The following HID1 variants were observed in gnomAD, a reference collection of about 807,000 sequenced individuals.
HID1 encodes HID1 domain containing.
In HID1, 42 loss-of-function variants were observed where a neutral mutation model predicts 89.7. The observed-to-expected ratio is 0.47, with a 90% confidence interval of 0.37 to 0.61. The LOEUF is 0.61. HID1 is among the 20% of genes least tolerant of loss of function. The pLI, the probability that HID1 is intolerant of heterozygous loss-of-function variation, is 0.00. For missense variants in HID1, 854 were observed against 1,039.3 expected (o/e 0.82, Z 2.45); for synonymous variants, 442 against 433.8 (o/e 1.02, Z -0.24).
rs2039429608 is a variant in HID1, at chr17:74,958,525, G to C, written c.1241-47C>G. The C allele has an allele frequency of 6.4e-7, 1 of 1,573,608 alleles. No homozygotes were observed. The highest frequency in any genetic ancestry group is 2.4e-5 in the East Asian group (1 of 42,508). On this transcript the variant is annotated intron_variant, in intron 10 of 18. Transcript: ENST00000425042. This position sits in a 1 kb window ranked among gnomAD's most constrained non-coding sequence, Gnocchi z 5.2. ...GGGTCACTCGGGTGGGAGGGGGAAG[G>C]AGGGGCCCAGGCAGTGACCATTTTG...
At position 74,951,618 on chromosome 17, in the gene HID1, A is replaced by G. The variant is rs759451729; in HGVS notation, c.2319T>C (p.Pro773=). The change falls in exon 19 of 19, where the codon CCT becomes CCC. Residue 773 remains proline (P), a synonymous_variant. Coordinates refer to ENST00000425042, the MANE Select transcript of HID1 (RefSeq NM_030630.3). ...GCTTCACGTCGGTGTCGTACCAGAC[A>G]GGGGGGTCCACATTCCTGTGGAGGA... ...GVIYLRNVDP[P]VWYDTDVKLF... 5 of 1,612,782 alleles carry G rather than the reference A, an allele frequency of 3.1e-6. No homozygotes were observed. Among genetic ancestry groups the G allele is most frequent in the Non-Finnish European group, 4.2e-6 (5 of 1,179,532 alleles).
Position 74,953,040 on chromosome 17 carries a change from G to A in HID1, c.2018C>T (p.Ser673Leu), listed in dbSNP as rs760403394. ...CGTTGGGCTCCACTGCCCACTGGCT[G>A]ATGAGGTGGACGGTCGCCGCTGCTC... Reference protein sequence around the residue: ...WREQRRPSTSSASGQWSPTPE... With the variant: ...WREQRRPSTSLASGQWSPTPE... Residue 673 changes from serine to leucine, a missense_variant, in exon 16 of 19, where the codon TCA (serine) becomes TTA (leucine). Physicochemically the swap from Ser to Leu is moderately radical, Grantham distance 145 (BLOSUM62 -2). Transcript: ENST00000425042. 2 of 1,609,458 alleles carry A rather than the reference G, an allele frequency of 1.2e-6. No individual in the cohort carries two copies. The highest frequency in any genetic ancestry group is 1.7e-6 in the Non-Finnish European group (2 of 1,178,684).
intron 1 of HID1, among the ~76,000 whole-genome samples, chr17:74,969,246 G>A (rs1009090075): frequency 6.6e-6 from 1 of 152,062 alleles, no homozygotes; most frequent in African/African-American, 2.4e-5. Flanking sequence ...CCAGGCTGGA[G>A]TGCAGTGGTG....
chr17:74,962,858 C>A lies in HID1; in HGVS notation c.504+107G>T. 1.3e-6 allele frequency: 1 copy of A among 761,522 alleles called. No individual in the cohort carries two copies. The highest frequency in any genetic ancestry group is 1.7e-5 in the South Asian group (1 of 57,242). The allele number at this position is 761,522 out of a possible 1,614,324, so 47.2% of individuals were successfully genotyped here. A position where few individuals can be genotyped will look rare whatever the true frequency, so the allele number is the denominator to read the frequency against. On this transcript the variant is annotated intron_variant, in intron 4 of 18. Transcript: ENST00000425042. The surrounding 1 kb of genome is among the most constrained non-coding windows in gnomAD (Gnocchi z 4.3). ...GCCAGGCAGCTCAGCTCTCCTGGAG[C>A]CCCCCGGCCCCCAGTGCAATCCGCC...
chr17:74,957,718 G>GGCAACAT (rs2039411990), intron 12 of HID1, among the ~76,000 whole-genome samples: 1 of 151,678 alleles, frequency 6.6e-6, no homozygotes, highest in South Asian at 2.1e-4. Context: ...TGGACAACAT[G>GGCAACAT]GCAAAACCCC....
chr17:74,969,205 T>C (rs192751745), intron 1 of HID1, among the ~76,000 whole-genome samples: 1 of 152,114 alleles, frequency 6.6e-6, no homozygotes, highest in Admixed American at 6.6e-5. Flanking sequence ...TCTTTTTTTT[T>C]CTTTTTTGAG....
Position 74,963,044 on chromosome 17 carries a change from G to A in HID1, c.425C>T (p.Ala142Val). 1 of 1,613,238 alleles carries A rather than the reference G, an allele frequency of 6.2e-7. No homozygotes were observed. Among genetic ancestry groups the A allele is most frequent in the Non-Finnish European group, 8.5e-7 (1 of 1,179,542 alleles). The change falls in exon 4 of 19, where the codon GCC becomes GTC. Residue 142 changes from alanine (A) to valine (V), a missense_variant. Ala to Val is a moderately conservative substitution (Grantham distance 64, BLOSUM62 0). Transcript: ENST00000425042. ...EEDDEHARPL[A>V]ESLLLAIADL... ...AGCAATGGCCAGGAGCAGGGACTCG[G>A]CCAGGGGCCTGGCATGCTCATCATC...
chr17:74,956,807 G>A (rs1339629027), intron 12 of HID1, among the ~76,000 whole-genome samples: 1 of 152,218 alleles, frequency 6.6e-6, no homozygotes, highest in East Asian at 1.9e-4. Context: ...GAACCCCAGG[G>A]AGCCTGGCTC....
rs1445022416 is a variant in HID1 at position 74,963,027 on chromosome 17, C to T, written c.442G>A (p.Ala148Thr). 1 of 1,613,438 alleles carries T rather than the reference C, an allele frequency of 6.2e-7. No individual in the cohort carries two copies. Among genetic ancestry groups the T allele is most frequent in the Non-Finnish European group, 8.5e-7 (1 of 1,179,700 alleles). ...GGGCAGAAGAGCAGGTCAGCAATGGCCAGGAGCAGGGACTCGGCCAGGGGC... is the reference window on the plus strand; with the variant it reads ...GGGCAGAAGAGCAGGTCAGCAATGGTCAGGAGCAGGGACTCGGCCAGGGGC... ...ARPLAESLLLAIADLLFCPDF... is the reference protein window; with the variant it reads ...ARPLAESLLLTIADLLFCPDF... The change falls in exon 4 of 19, where the codon GCC (alanine) becomes ACC (threonine). Residue 148 changes from alanine (A) to threonine (T), a missense_variant. Coordinates refer to ENST00000425042, the MANE Select transcript of HID1 (RefSeq NM_030630.3).
chr17:74,960,318 C>T, intron 6 of HID1, 70 bp from the exon 7 acceptor site: 1 of 1,356,174 alleles, frequency 7.4e-7, no homozygotes. Context: ...ACCTCTCTGG[C>T]CACGTGGGAA....
At position 74,972,635 on chromosome 17, in the gene HID1, G is replaced by C; in HGVS notation, c.22C>G (p.Leu8Val). The C allele has an allele frequency of 6.5e-7, 1 of 1,548,872 alleles. No homozygotes were observed. The highest frequency in any genetic ancestry group is 1.2e-5 in the South Asian group (1 of 83,660). The change falls in exon 1 of 19, where the codon CTG becomes GTG. Residue 8 changes from leucine to valine, a missense_variant. Physicochemically the swap from Leu to Val is conservative, Grantham distance 32. Coordinates refer to ENST00000425042, the MANE Select transcript of HID1 (RefSeq NM_030630.3). This position sits in a 1 kb window ranked among gnomAD's most constrained non-coding sequence, Gnocchi z 6.4. ...TGGATCACCGCCTTCCGGAAGTTCA[G>C]CTTGGAGTCGGTCGACCCCATGTCT... The part of the protein sequence containing the change: MGSTDSK[L>V]NFRKAVIQLT...
intron 1 of HID1, among the ~76,000 whole-genome samples, chr17:74,969,922 CTTTTTT>C (rs61436029): frequency 5.7e-4 from 64 of 112,162 alleles, no homozygotes; most frequent in Middle Eastern, 0.011. Context: ...TTTCTTTTTT[CTTTTTT>C]TTTTTTTTTT....
chr17:74,964,790 GCCA>G (rs1227606002), intron 1 of HID1, among the ~76,000 whole-genome samples, 158 bp from the exon 2 acceptor site: 1 of 152,206 alleles, frequency 6.6e-6, no homozygotes, highest in Non-Finnish European at 1.5e-5. Flanking sequence ...ACATACTTCA[GCCA>G]CCACAACCCC....
rs763442823 is a variant in HID1, at chr17:74,954,258, G to C, written c.1744C>G (p.Arg582Gly). 6.3e-7 allele frequency: 1 copy of C among 1,588,558 alleles called. No homozygotes were observed. The highest frequency in any genetic ancestry group is 8.6e-7 in the Non-Finnish European group (1 of 1,168,482). The change falls in exon 14 of 19, where the codon CGG (arginine) becomes GGG (glycine). Residue 582 changes from arginine (R) to glycine (G), a missense_variant. Coordinates refer to ENST00000425042, the MANE Select transcript of HID1 (RefSeq NM_030630.3). The part of the protein sequence containing the change: ...PTIHKALQRR[R>G]RTPEPLSRTG... ...CGAGACAAGGGCTCAGGTGTCCGCC[G>C]GCGCCGCTGCAGGGCCTTGTGAATG...
intron 2 of HID1, 92 bp from the exon 3 acceptor site, chr17:74,964,002 A>C: frequency 7.2e-7 from 1 of 1,385,384 alleles, no homozygotes; most frequent in Non-Finnish European, 1.0e-6. Flanking sequence ...GCTGCAGAGG[A>C]GGGTCAGGGG....
intron 12 of HID1, among the ~76,000 whole-genome samples, chr17:74,956,997 T>G (rs1162689600): frequency 6.6e-6 from 1 of 152,216 alleles, no homozygotes; most frequent in Non-Finnish European, 1.5e-5. Context: ...CATTTCGTGC[T>G]TGAAACACAG....
chr17:74,970,664 G>C (rs1354767950), intron 1 of HID1: 1 of 152,998 alleles, frequency 6.5e-6, no homozygotes, highest in Non-Finnish European at 1.5e-5. Context: ...AGGGATACAG[G>C]CCCAGGCCAC....
chr17:74,969,922 C>CTTTTTTT lies in HID1; in HGVS notation c.66+2662_66+2668dup, dbSNP rs61436029. Among the ~76,000 whole-genome samples the CTTTTTTT allele has an allele frequency of 1.6e-4, 18 of 112,150 alleles. 1 individual carries two copies. The highest frequency in any genetic ancestry group is 7.8e-4 in the East Asian group (3 of 3,840). The allele number at this position is 112,150 out of a possible 152,430, so 73.6% of individuals were successfully genotyped here. Reference sequence around the variant, plus strand: ...GGCCAAAATCAGATTTTTCTTTTTTCTTTTTTTTTTTTTTTTTTGAGGCAG... The same window carrying CTTTTTTT: ...GGCCAAAATCAGATTTTTCTTTTTTCTTTTTTTTTTTTTTTTTTTTTTTTTGAGGCAG... On this transcript the variant is annotated intron_variant, in intron 1 of 18. Coordinates refer to ENST00000425042, the MANE Select transcript of HID1 (RefSeq NM_030630.3).
intron 6 of HID1, among the ~76,000 whole-genome samples, chr17:74,961,263 GTATT>G (rs1439227663): frequency 1.3e-5 from 2 of 151,672 alleles, no homozygotes; most frequent in Non-Finnish European, 1.5e-5. Flanking sequence ...ATTAATTATT[GTATT>G]TATTTATTTT....
Sources: allele counts gnomAD v4.1 joint callset (sites outside exome capture counted in the v4.1 genomes callset), GRCh38; gene constraint gnomAD v4.1.1; non-coding constraint Gnocchi (gnomAD v3.1); transcripts MANE v1.5; gene names NCBI Gene and HGNC (gene_info 2026-07-23, HGNC 2026-07-21).